HS3ST4: variants seen among roughly 807,000 people sequenced by gnomAD.
HS3ST4 encodes heparan sulfate-glucosamine 3-sulfotransferase 4.
In HS3ST4, 17 loss-of-function variants were observed where a neutral mutation model predicts 29.2. The observed-to-expected ratio is 0.58, with a 90% CI of 0.40 to 0.87. HS3ST4 has a LOEUF of 0.87. Ranked by LOEUF, HS3ST4 falls within the 40% of genes least tolerant of loss-of-function variation. HS3ST4 has a pLI of 0.00. For missense variants in HS3ST4, 627 were observed against 634.5 expected (o/e 0.99, Z 0.13); for synonymous variants, 314 against 285.7 (o/e 1.10, Z -1.00).
At chr16:26,015,347 T>G (rs1040816402) in intron 1 of HS3ST4, among the ~76,000 whole-genome samples, 4 of 152,176 alleles carry the variant, frequency 2.6e-5, no homozygotes, top group Non-Finnish European at 5.9e-5. Flanking sequence ...AGAAGCAGAA[T>G]CTGGTGGGGA....
chr16:26,101,135 G>A (rs956484927), intron 1 of HS3ST4, among the ~76,000 whole-genome samples: 1 of 152,126 alleles, frequency 6.6e-6, no homozygotes, highest in Non-Finnish European at 1.5e-5. Context: ...AGAACCTCTG[G>A]TCCAAGTTAC....
At chr16:25,707,620 A>G (rs1966384558) in intron 1 of HS3ST4, among the ~76,000 whole-genome samples, 1 of 152,196 alleles carries the variant, frequency 6.6e-6, no homozygotes, top group Non-Finnish European at 1.5e-5. Context: ...AGAGGCTACA[A>G]GCCAATGTGG....
At chr16:25,834,506 A>G (rs539293372) in intron 1 of HS3ST4, among the ~76,000 whole-genome samples, 6 of 152,364 alleles carry the variant, frequency 3.9e-5, no homozygotes, top group African/African-American at 1.4e-4. Flanking sequence ...TGGTGGTATG[A>G]CAAAATCAAT....
chr16:26,067,902 A>T (rs1239798970), intron 1 of HS3ST4, among the ~76,000 whole-genome samples: 6 of 152,116 alleles, frequency 3.9e-5, no homozygotes, highest in African/African-American at 1.4e-4. Context: ...ACCATGCAAG[A>T]CGTGACTTTG....
chr16:26,040,764 T>A (rs1346840807), intron 1 of HS3ST4, among the ~76,000 whole-genome samples: 1 of 152,140 alleles, frequency 6.6e-6, no homozygotes, highest in Non-Finnish European at 1.5e-5. Context: ...GTATTACCCT[T>A]AACATAGTTG....
chr16:26,111,470 AAC>A (rs1452201734), intron 1 of HS3ST4, among the ~76,000 whole-genome samples: 1 of 151,978 alleles, frequency 6.6e-6, no homozygotes, highest in Non-Finnish European at 1.5e-5. Context: ...TTAATTTAAA[AAC>A]ACAGGCAAAA....
intron 1 of HS3ST4, among the ~76,000 whole-genome samples, chr16:25,895,508 G>A (rs1968052853): frequency 6.6e-6 from 1 of 152,130 alleles, no homozygotes; most frequent in East Asian, 1.9e-4. Flanking sequence ...CAGTGGACCA[G>A]AGAAGGAATG....
chr16:26,124,229 T>C (rs1899313790), intron 1 of HS3ST4, among the ~76,000 whole-genome samples: 1 of 152,204 alleles, frequency 6.6e-6, no homozygotes, highest in African/African-American at 2.4e-5. Context: ...CCAAAAACTT[T>C]TTAAGGGCAA....
At chr16:26,080,185 T>C (rs996528834) in intron 1 of HS3ST4, among the ~76,000 whole-genome samples, 1 of 152,128 alleles carries the variant, frequency 6.6e-6, no homozygotes, top group African/African-American at 2.4e-5. Flanking sequence ...ACAGATTAGC[T>C]AGCTCCTTCC....
At chr16:26,035,588 C>G (rs1221013375) in intron 1 of HS3ST4, among the ~76,000 whole-genome samples, 1 of 152,190 alleles carries the variant, frequency 6.6e-6, no homozygotes, top group African/African-American at 2.4e-5. Context: ...TAATTAACCA[C>G]TCACCTATTG....
intron 1 of HS3ST4, among the ~76,000 whole-genome samples, chr16:25,725,409 T>A (rs1966527590): frequency 6.6e-6 from 1 of 152,134 alleles, no homozygotes; most frequent in African/African-American, 2.4e-5. Context: ...ATACCAAAAG[T>A]ACATAGAGAA....
chr16:25,960,158 T>A (rs56273728), intron 1 of HS3ST4, among the ~76,000 whole-genome samples: 17,563 of 151,832 alleles, frequency 0.12, 1,160 homozygotes, highest in African/African-American at 0.16. Flanking sequence ...ATCTGGGACC[T>A]TCCCCATTTC....
intron 1 of HS3ST4, among the ~76,000 whole-genome samples, chr16:26,003,291 A>G (rs1050719336): frequency 6.6e-6 from 1 of 152,218 alleles, no homozygotes; most frequent in Non-Finnish European, 1.5e-5. Context: ...TATAATACCT[A>G]CATCATAGGG....
rs911878864 is a variant in HS3ST4 at position 25,705,469 on chromosome 16, C to T, written c.734+12318C>T. 5.9e-5 allele frequency among the ~76,000 whole-genome samples: 9 copies of T among 151,940 alleles called. No homozygotes were observed. The South Asian group carries it at 1.5e-3, about 25-fold the overall frequency. On this transcript the variant is annotated intron_variant, in intron 1 of 1. Transcript: ENST00000331351. ...CCACAAGGTCAGGAGGTCGAGACCA[C>T]CCTGGCTAACACGGTGAAACCCCAT... is the stretch of plus-strand genomic sequence containing the variant.
intron 1 of HS3ST4, among the ~76,000 whole-genome samples, chr16:25,885,023 A>G (rs1351341160): frequency 1.3e-5 from 2 of 152,176 alleles, no homozygotes; most frequent in African/African-American, 4.8e-5. Flanking sequence ...GAAGAGCCCC[A>G]TTTCAGAATA....
At chr16:26,121,050 T>C (rs922929867) in intron 1 of HS3ST4, among the ~76,000 whole-genome samples, 8 of 152,296 alleles carry the variant, frequency 5.3e-5, no homozygotes, top group Admixed American at 4.6e-4. Flanking sequence ...CTGAGATGGA[T>C]CTTGCTCATG....
intron 1 of HS3ST4, among the ~76,000 whole-genome samples, chr16:25,751,209 C>T (rs183996851): frequency 6.6e-6 from 1 of 152,260 alleles, no homozygotes; most frequent in Non-Finnish European, 1.5e-5. Context: ...TGACACAACT[C>T]CTTTTGCCTT....
intron 1 of HS3ST4, among the ~76,000 whole-genome samples, chr16:25,830,132 C>T (rs1211600342): frequency 6.6e-6 from 1 of 152,132 alleles, no homozygotes; most frequent in Admixed American, 6.5e-5. Flanking sequence ...GCCTAAAATA[C>T]ATTAAATGGG....
intron 1 of HS3ST4, among the ~76,000 whole-genome samples, chr16:25,717,142 T>C (rs1420766212): frequency 6.6e-6 from 1 of 152,174 alleles, no homozygotes; most frequent in Admixed American, 6.5e-5. Flanking sequence ...GAACCTTGGC[T>C]GACCTTAGAT....
Sources: gnomAD v4.1 joint callset for allele counts (sites outside exome capture counted in the v4.1 genomes callset) on GRCh38, gnomAD v4.1.1 for gene constraint, MANE v1.5 for transcripts, NCBI Gene and HGNC (gene_info 2026-07-23, HGNC 2026-07-21) for gene names.